Variants in SEMA3A observed in about 807,000 individuals in gnomAD.
SEMA3A encodes semaphorin-3A.
SEMA3A carries 29 observed loss-of-function variants against 97.9 expected under a neutral mutation model. The observed-to-expected ratio is 0.30, with a 90% CI of 0.22 to 0.40. The LOEUF is 0.40. Ranked by LOEUF, SEMA3A falls within the 10% of genes least tolerant of loss-of-function variation. The pLI, the probability that SEMA3A is intolerant of heterozygous loss-of-function variation, is 1.00. For synonymous variants in SEMA3A, 321 were observed against 323.7 expected, an observed-to-expected ratio of 0.99 and a Z score of 0.09; for missense variants, 763 against 951.3, an observed-to-expected ratio of 0.80 and a Z score of 2.60.
upstream of SEMA3A, among the ~76,000 whole-genome samples, chr7:84,195,853 ATC>A (rs1798214702): frequency 6.6e-6 from 1 of 152,180 alleles, no homozygotes; most frequent in South Asian, 2.1e-4. Flanking sequence ...TGAAAAGAAT[ATC>A]TCTGTGTCTT....
chr7:84,332,400 T>C (rs367812639), intron 2 of SEMA3A, among the ~76,000 whole-genome samples: 1 of 152,150 alleles, frequency 6.6e-6, no homozygotes, highest in Non-Finnish European at 1.5e-5. Flanking sequence ...ACACCACCAA[T>C]GAAAAGAGAT....
At position 83,960,399 on chromosome 7, in the gene SEMA3A, A is replaced by G. The variant is rs1166698888; in HGVS notation, c.*972T>C. The G allele has an allele frequency of 6.6e-6, 1 of 151,674 alleles. No individual in the cohort carries two copies. Among genetic ancestry groups the G allele is most frequent in the Non-Finnish European group, 1.5e-5 (1 of 67,844 alleles). 9.4% of individuals were successfully genotyped at this position (151,674 alleles called of 1,614,324 possible). A position where few individuals can be genotyped will look rare whatever the true frequency, so the allele number is the denominator to read the frequency against. Reference sequence around the variant, plus strand: ...GCTTAAATGTTCTGTTTTTTTTTCTAAGAACATTATGCAAGTAAAAATTAA... The same window carrying G: ...GCTTAAATGTTCTGTTTTTTTTTCTGAGAACATTATGCAAGTAAAAATTAA... On this transcript the variant is annotated 3_prime_UTR_variant, in exon 17 of 17. Transcript: ENST00000265362.
intron 6 of SEMA3A, among the ~76,000 whole-genome samples, chr7:84,035,097 A>G (rs1215003022): frequency 6.6e-6 from 1 of 152,108 alleles, no homozygotes; most frequent in Non-Finnish European, 1.5e-5. Context: ...TATTAATTAG[A>G]ATAAAATTAT....
At chr7:84,352,202 G>T (rs996703652) in intron 2 of SEMA3A, among the ~76,000 whole-genome samples, 18 of 151,894 alleles carry the variant, frequency 1.2e-4, no homozygotes, top group Non-Finnish European at 1.6e-4. Flanking sequence ...AAGAGTTAAA[G>T]AGTTGATTGA....
chr7:84,055,815 G>A (rs958398598), intron 5 of SEMA3A, among the ~76,000 whole-genome samples: 7 of 152,102 alleles, frequency 4.6e-5, no homozygotes, highest in Admixed American at 3.3e-4. Context: ...CTGAAGTAGT[G>A]TATTAGTTAA....
chr7:83,995,217 G>A (rs1282595588), intron 12 of SEMA3A, among the ~76,000 whole-genome samples: 1 of 152,238 alleles, frequency 6.6e-6, no homozygotes, highest in Non-Finnish European at 1.5e-5. Flanking sequence ...CCCACTGTCT[G>A]GCACTCCCTA....
intron 6 of SEMA3A, among the ~76,000 whole-genome samples, chr7:84,034,575 A>G (rs1425704823): frequency 1.3e-5 from 2 of 152,140 alleles, no homozygotes; most frequent in African/African-American, 4.8e-5. Flanking sequence ...GTTGTTCATG[A>G]TTATTTCAAA....
intron 4 of SEMA3A, among the ~76,000 whole-genome samples, chr7:84,101,875 C>A (rs1222219742): frequency 2.0e-5 from 3 of 151,916 alleles, no homozygotes; most frequent in African/African-American, 7.3e-5. Flanking sequence ...CTCATAAAAA[C>A]TCTAAATTTC....
At chr7:84,100,752 C>A (rs1157499277) in intron 4 of SEMA3A, among the ~76,000 whole-genome samples, 1 of 152,132 alleles carries the variant, frequency 6.6e-6, no homozygotes. Context: ...CATGTGAATA[C>A]AAATTGCTTC....
chr7:83,967,080 C>T (rs1051068530), intron 15 of SEMA3A, among the ~76,000 whole-genome samples: 29 of 152,300 alleles, frequency 1.9e-4, no homozygotes, highest in African/African-American at 7.0e-4. Context: ...CTACCATCAG[C>T]AGCTTCTGAC....
At chr7:84,471,078 T>G (rs1806132989) in intron 1 of SEMA3A, among the ~76,000 whole-genome samples, 1 of 152,060 alleles carries the variant, frequency 6.6e-6, no homozygotes. Context: ...CAGCAAAAAC[T>G]TTGAGGTTCA....
At chr7:83,977,230 TC>T in intron 14 of SEMA3A, 34 bp from the exon 15 acceptor site, 1 of 1,255,394 alleles carries the variant, frequency 8.0e-7, no homozygotes, top group Non-Finnish European at 1.1e-6. Context: ...TGTTATTGTA[TC>T]CTTATTTTTC....
chr7:84,102,313 C>G (rs1291321787), intron 4 of SEMA3A, among the ~76,000 whole-genome samples: 1 of 152,112 alleles, frequency 6.6e-6, no homozygotes, highest in East Asian at 1.9e-4. Context: ...TTATTTTTTA[C>G]AAATCATGGT....
chr7:84,388,651 T>C (rs1803463079), intron 1 of SEMA3A, among the ~76,000 whole-genome samples: 1 of 152,062 alleles, frequency 6.6e-6, no homozygotes, highest in Non-Finnish European at 1.5e-5. Flanking sequence ...TTTTACATGT[T>C]TTCTATGTGC....
intron 3 of SEMA3A, chr7:84,306,346 T>C (rs1204164901): frequency 6.6e-6 from 1 of 152,000 alleles, no homozygotes; most frequent in Admixed American, 6.6e-5. Flanking sequence ...ATTCTTCAGA[T>C]TTACTAAAAT....
At chr7:84,013,632 A>G (rs1790975761) in intron 7 of SEMA3A, among the ~76,000 whole-genome samples, 2 of 151,332 alleles carry the variant, frequency 1.3e-5, no homozygotes, top group South Asian at 4.1e-4. Context: ...AAATCACCAG[A>G]GATCAGGAGT....
At chr7:84,313,362 A>G (rs77028423) in intron 2 of SEMA3A, among the ~76,000 whole-genome samples, 1,278 of 14,394 alleles carry the variant, frequency 0.089, 52 homozygotes, top group African/African-American at 0.14. Context: ...GTGTGTATAT[A>G]TATATATATA....
At chr7:84,324,386 C>T (rs1208921145) in intron 2 of SEMA3A, among the ~76,000 whole-genome samples, 3 of 152,128 alleles carry the variant, frequency 2.0e-5, no homozygotes, top group Non-Finnish European at 2.9e-5. Context: ...TAGATAGAGT[C>T]CAGATTTGAC....
rs550737027 is a variant in SEMA3A, at chr7:84,417,188, C to T, written c.-245-45288G>A. Among the ~76,000 whole-genome samples the T allele has an allele frequency of 9.9e-5, 15 of 152,032 alleles. No homozygotes were observed. The South Asian group carries it at 2.7e-3, about 27-fold the overall frequency. On this transcript the variant is annotated intron_variant, in intron 1 of 3. Transcript: ENST00000424555. ...TATATTGTGATTTAATACTTAATTA[C>T]AATAGTACAAAATTATTTCAGATAT...
Sources: allele counts gnomAD v4.1 joint callset (sites outside exome capture counted in the v4.1 genomes callset), GRCh38; gene constraint gnomAD v4.1.1; transcripts MANE v1.5; gene names NCBI Gene and HGNC (gene_info 2026-07-23, HGNC 2026-07-21).